The following ANKRD11 variants were observed in gnomAD, a reference collection of about 807,000 sequenced individuals.
The protein encoded by ANKRD11 is ankyrin repeat domain-containing protein 11.
In ANKRD11, 17 loss-of-function variants were observed where a neutral mutation model predicts 195.7. The observed-to-expected ratio is 0.09, with a 90% CI of 0.06 to 0.13. The LOEUF (loss-of-function observed/expected upper bound fraction) is 0.13. Ranked by LOEUF, ANKRD11 falls within the 10% of genes least tolerant of loss-of-function variation. The pLI, the probability that ANKRD11 is intolerant of heterozygous loss-of-function variation, is 1.00. For missense variants in ANKRD11, 3,735 were observed against 3,566.1 expected, an observed-to-expected ratio of 1.05 and a Z score of -1.21; for synonymous variants, 1,953 against 1,528.1, an observed-to-expected ratio of 1.28 and a Z score of -6.49.
At chr16:89,273,878 G>A (rs939639370) in intron 11 of ANKRD11, among the ~76,000 whole-genome samples, 42 of 152,208 alleles carry the variant, frequency 2.8e-4, no homozygotes, top group African/African-American at 9.2e-4. Context: ...GGGCTGGGGT[G>A]GCGTCAAGGG....
chr16:89,460,874 A>C (rs764185640), intron 1 of ANKRD11, among the ~76,000 whole-genome samples: 5 of 152,158 alleles, frequency 3.3e-5, no homozygotes, highest in Non-Finnish European at 5.9e-5. Flanking sequence ...TATGCCAGTC[A>C]CGAAAGGACA....
chr16:89,331,108 C>G (rs2038043002), intron 2 of ANKRD11, among the ~76,000 whole-genome samples: 1 of 152,102 alleles, frequency 6.6e-6, no homozygotes, highest in Non-Finnish European at 1.5e-5. Context: ...TGCCTGCCAC[C>G]ATGCCCGGCT....
intron 4 of ANKRD11, chr16:89,300,692 C>A (rs1258098284): frequency 1.9e-6 from 1 of 538,704 alleles, no homozygotes; most frequent in African/African-American, 2.0e-5. Flanking sequence ...TCTGAGGCAC[C>A]AGGAACAAAC....
At chr16:89,458,385 C>G (rs574131599) in intron 1 of ANKRD11, among the ~76,000 whole-genome samples, 1 of 152,050 alleles carries the variant, frequency 6.6e-6, no homozygotes. Flanking sequence ...CCACCACGCC[C>G]GGCTAATTTT....
intron 2 of ANKRD11, among the ~76,000 whole-genome samples, chr16:89,322,851 T>C (rs1169830639): frequency 2.6e-5 from 4 of 152,200 alleles, no homozygotes; most frequent in Non-Finnish European, 5.9e-5. Context: ...GTTCTTTTGT[T>C]TGTTTGTTTG....
intron 2 of ANKRD11, among the ~76,000 whole-genome samples, chr16:89,332,203 G>A (rs530836646): frequency 2.0e-4 from 30 of 152,126 alleles, no homozygotes; most frequent in Admixed American, 1.8e-3. Flanking sequence ...ACTTCCTTAC[G>A]TATTAAAGAA....
chr16:89,312,736 G>A (rs986173758), intron 3 of ANKRD11, among the ~76,000 whole-genome samples: 10 of 152,196 alleles, frequency 6.6e-5, no homozygotes, highest in African/African-American at 2.2e-4. Flanking sequence ...CGAAGCATGC[G>A]GGGGAGTTCT....
chr16:89,366,209 A>G (rs147826112), intron 2 of ANKRD11, among the ~76,000 whole-genome samples: 39 of 151,210 alleles, frequency 2.6e-4, no homozygotes, highest in African/African-American at 6.3e-4. Flanking sequence ...TATGCACCAC[A>G]TTTTCTTTAT....
intron 2 of ANKRD11, among the ~76,000 whole-genome samples, chr16:89,397,632 C>G (rs1489577376): frequency 6.6e-6 from 1 of 152,234 alleles, no homozygotes; most frequent in African/African-American, 2.4e-5. Flanking sequence ...CATAAACTTT[C>G]CCTTTTCACT....
intron 1 of ANKRD11, among the ~76,000 whole-genome samples, chr16:89,422,563 G>A (rs989018001): frequency 2.6e-5 from 4 of 152,078 alleles, no homozygotes; most frequent in Admixed American, 6.6e-5. Flanking sequence ...CACGATATTC[G>A]CGCTGACCCA....
In ANKRD11 at chr16:89,305,609, TGTG is replaced by T. The variant is rs1200780998; in HGVS notation, c.88-268_88-266del. ...GGACGCTCAGGAAATCGCTGGTGTG[TGTG>T]GAGAAAGCAGAGGAGACACACACGC... is the stretch of plus-strand genomic sequence containing the variant. On this transcript the variant is annotated intron_variant, in intron 3 of 12. Transcript: ENST00000301030. Among the ~76,000 whole-genome samples, 3 of 152,040 alleles carry T rather than the reference TGTG, an allele frequency of 2.0e-5. No homozygotes were observed. The South Asian group carries it at 6.2e-4, about 31-fold the overall frequency.
intron 1 of ANKRD11, among the ~76,000 whole-genome samples, chr16:89,434,225 G>C (rs1030223615): frequency 1.3e-5 from 2 of 152,108 alleles, no homozygotes; most frequent in Admixed American, 6.5e-5. Flanking sequence ...AGACACTATG[G>C]ATTCTGTGTG....
intron 1 of ANKRD11, among the ~76,000 whole-genome samples, chr16:89,427,269 A>G (rs945181183): frequency 3.9e-5 from 6 of 152,228 alleles, no homozygotes; most frequent in African/African-American, 1.4e-4. Context: ...GAAGACCTAA[A>G]TAAGTGGAGG....
chr16:89,441,515 C>T (rs967455891), intron 1 of ANKRD11, among the ~76,000 whole-genome samples: 6 of 152,084 alleles, frequency 3.9e-5, no homozygotes, highest in Middle Eastern at 3.4e-3. Flanking sequence ...CGCCTGTAAT[C>T]CCAGCACTTT....
intron 2 of ANKRD11, among the ~76,000 whole-genome samples, chr16:89,347,851 T>C (rs964238893): frequency 1.3e-5 from 2 of 152,152 alleles, no homozygotes; most frequent in African/African-American, 4.8e-5. Flanking sequence ...TCAGTGGGTG[T>C]TTCTCAGAAC....
chr16:89,355,736 G>C (rs377765972), intron 2 of ANKRD11, among the ~76,000 whole-genome samples: 12 of 152,164 alleles, frequency 7.9e-5, no homozygotes, highest in Admixed American at 7.9e-4. Context: ...GCATCCACCC[G>C]TCGAGGGCAG....
chr16:89,319,998 C>G (rs1250088102), intron 2 of ANKRD11: 1 of 152,438 alleles, frequency 6.6e-6, no homozygotes, highest in Admixed American at 6.5e-5. Flanking sequence ...AATGGCAGAG[C>G]CAGCCGAGGG....
chr16:89,357,266 G>T (rs920215613), intron 2 of ANKRD11, among the ~76,000 whole-genome samples: 7 of 152,144 alleles, frequency 4.6e-5, no homozygotes, highest in African/African-American at 1.4e-4. Flanking sequence ...CAAATCTGCT[G>T]ATAAAAGTCA....
rs763544660 is a variant in ANKRD11, at chr16:89,283,825, C to A, written c.2717G>T (p.Arg906Leu). 1.2e-5 allele frequency: 19 copies of A among 1,614,060 alleles called. No homozygotes were observed. The highest frequency in any genetic ancestry group is 1.7e-5 in the Admixed American group (1 of 60,010). Residue 906 changes from arginine to leucine, a missense_variant, in exon 9 of 13, where the codon CGA (arginine) becomes CTA (leucine). Transcript: ENST00000301030. This position sits in a 1 kb window ranked among gnomAD's most constrained non-coding sequence, Gnocchi z 4.3. ...EKRDYREPFF[R>L]KKDRDYLDKN... is the part of the protein sequence containing the mutation. Reference sequence around the variant, plus strand: ...ATCCAAATAGTCCCTGTCCTTCTTTCGGAAGAAGGGCTCTCTGTAGTCTCG... The same window carrying A: ...ATCCAAATAGTCCCTGTCCTTCTTTAGGAAGAAGGGCTCTCTGTAGTCTCG...
Sources: allele counts gnomAD v4.1 joint callset (sites outside exome capture counted in the v4.1 genomes callset), GRCh38; gene constraint gnomAD v4.1.1; non-coding constraint Gnocchi (gnomAD v3.1); transcripts MANE v1.5; gene names NCBI Gene and HGNC (gene_info 2026-07-23, HGNC 2026-07-21).